The following PHLDB1 variants were observed in gnomAD, a reference collection of about 807,000 sequenced individuals.
PHLDB1 encodes the protein pleckstrin homology-like domain family B member 1.
A neutral mutation model predicts 139.3 loss-of-function variants in PHLDB1; 65 were observed. The observed-to-expected ratio is 0.47, with a 90% CI of 0.38 to 0.57. The LOEUF (loss-of-function observed/expected upper bound fraction) is 0.57, where lower values mean the gene tolerates loss of function less well. Ranked by LOEUF, PHLDB1 falls within the 20% of genes least tolerant of loss-of-function variation. The pLI, the probability that PHLDB1 is intolerant of heterozygous loss-of-function variation, is 0.00. For missense variants in PHLDB1, 1,624 were observed against 1,839.7 expected, an observed-to-expected ratio of 0.88 and a Z score of 2.14; for synonymous variants, 679 against 734.5, an observed-to-expected ratio of 0.92 and a Z score of 1.22.
Position 118,620,582 on chromosome 11 carries a change from G to A in PHLDB1, c.356-4352G>A, listed in dbSNP as rs1942581245. ...GCTCCAGATATCTGTTTCCCAAGTA[G>A]GATGGGTACCTTATTGGGGTCGGAG... is the stretch of plus-strand genomic sequence containing the variant. On this transcript the variant is annotated intron_variant, in intron 4 of 22. Coordinates refer to ENST00000600882, the MANE Select transcript of PHLDB1 (RefSeq NM_001144758.3). The surrounding 1 kb of genome is among the most constrained non-coding windows in gnomAD (Gnocchi z 4.1). 6.6e-6 allele frequency among the ~76,000 whole-genome samples: 1 copy of A among 152,188 alleles called. No individual in the cohort carries two copies. The highest frequency in any genetic ancestry group is 2.1e-4 in the South Asian group (1 of 4,830).
At position 118,642,356 on chromosome 11, in the gene PHLDB1, C is replaced by T; in HGVS notation, c.2839C>T (p.Pro947Ser). The T allele has an allele frequency of 6.2e-7, 1 of 1,611,064 alleles. No individual in the cohort carries two copies. The highest frequency in any genetic ancestry group is 1.1e-5 in the South Asian group (1 of 91,078). Residue 947 changes from proline (P) to serine (S), a missense_variant, in exon 13 of 23, where the codon CCC becomes TCC. By Grantham distance (74) the Pro-to-Ser change is moderately conservative. Coordinates refer to ENST00000600882, the MANE Select transcript of PHLDB1 (RefSeq NM_001144758.3). ...CGCTGCAGCCTCCCCTCACTCTTCT[C>T]CCCCGCCTCTGCCCGCCAAAGCTTC... ...GPAAASPHSS[P>S]PPLPAKASRQ... is the part of the protein sequence containing the mutation.
intron 13 of PHLDB1, among the ~76,000 whole-genome samples, chr11:118,643,204 A>G (rs1473887601): frequency 1.3e-5 from 2 of 152,214 alleles, no homozygotes; most frequent in African/African-American, 4.8e-5. Context: ...CCTTTGAGGT[A>G]GATGAAGTTA....
At chr11:118,625,654 C>A (rs949055702) in intron 5 of PHLDB1, among the ~76,000 whole-genome samples, 2 of 152,182 alleles carry the variant, frequency 1.3e-5, no homozygotes, top group South Asian at 4.1e-4. Context: ...CCATCTCAGA[C>A]TTTGCACTGG....
chr11:118,639,370 G>A (rs1946156625), intron 12 of PHLDB1, 119 bp downstream of exon 12: 1 of 738,698 alleles, frequency 1.4e-6, no homozygotes, highest in Non-Finnish European at 2.4e-6. Flanking sequence ...TCCTGAATGG[G>A]AGAGATTTGA....
At position 118,645,808 on chromosome 11, in the gene PHLDB1, C is replaced by A. The variant is rs143017946; in HGVS notation, c.3490C>A (p.Arg1164=). ...MLKEAHAEKN[R]LMESREREME... is the part of the protein sequence containing the mutation. The stretch of plus-strand genomic sequence containing the variant: ...GAAAGAGGCTCATGCAGAGAAGAAC[C>A]GGCTCATGGAGTCGAGGGTGAGTCT... The change falls in exon 17 of 23, where the codon CGG becomes AGG. Residue 1164 remains arginine, a synonymous_variant. Transcript: ENST00000600882. This position sits in a 1 kb window ranked among gnomAD's most constrained non-coding sequence, Gnocchi z 5.1. 2 of 1,611,624 alleles carry A rather than the reference C, an allele frequency of 1.2e-6. No homozygotes were observed. The highest frequency in any genetic ancestry group is 2.2e-5 in the East Asian group (1 of 44,866).
At position 118,649,577 on chromosome 11, in the gene PHLDB1, G is replaced by A. The variant is rs564285661; in HGVS notation, c.3655-500G>A. Among the ~76,000 whole-genome samples, 27 of 152,118 alleles carry A rather than the reference G, an allele frequency of 1.8e-4. No individual in the cohort carries two copies. In the South Asian group the frequency reaches 3.5e-3, roughly 20 times the overall value. On this transcript the variant is annotated intron_variant, in intron 18 of 22. Coordinates refer to ENST00000600882, the MANE Select transcript of PHLDB1 (RefSeq NM_001144758.3). ...GACAGGAAGAGTAGAAAAATATTCC[G>A]GTTGACTGAGAATTCTAGTTAGTAT...
At chr11:118,616,614 A>G (rs1941699522) in intron 4 of PHLDB1, among the ~76,000 whole-genome samples, 1 of 152,194 alleles carries the variant, frequency 6.6e-6, no homozygotes, top group Non-Finnish European at 1.5e-5. Flanking sequence ...GAGGAGGACA[A>G]TACTTCCTGA....
intron 4 of PHLDB1, among the ~76,000 whole-genome samples, chr11:118,619,973 GAGAC>G (rs1266235366): frequency 6.6e-6 from 1 of 152,244 alleles, no homozygotes; most frequent in Non-Finnish European, 1.5e-5. Flanking sequence ...AGGTGTGTGA[GAGAC>G]AGTGTGTTTA....
Position 118,647,988 on chromosome 11 carries a change from A to T in PHLDB1, c.3566A>T (p.Gln1189Leu). Residue 1189 changes from glutamine (Q) to leucine (L), a missense_variant, in exon 18 of 23, where the codon CAG becomes CTG. Coordinates refer to ENST00000600882, the MANE Select transcript of PHLDB1 (RefSeq NM_001144758.3). ...GAGGAGGAGCGGCGGAGGCGTGAGC[A>T]GGTAGAACGGAGGCTGCAGAGTGAG... ...ALEEERRRRE[Q>L]VERRLQSESA... 1 of 1,605,690 alleles carries T rather than the reference A, an allele frequency of 6.2e-7. No homozygotes were observed. Among genetic ancestry groups the T allele is most frequent in the Non-Finnish European group, 8.5e-7 (1 of 1,176,010 alleles).
In PHLDB1 at chr11:118,628,227, T is replaced by C. The variant is rs533463069; in HGVS notation, c.1404T>C (p.Ala468=). ...PPLSPSLSRR[A]LSPLPTRTTP... ...TAAGTCCATCTCTGTCCCGGCGAGC[T>C]CTCTCCCCGCTGCCCACCCGGACCA... is the stretch of plus-strand genomic sequence containing the variant. The change falls in exon 6 of 23, where the codon GCT becomes GCC. Residue 468 remains alanine, a synonymous_variant. Coordinates refer to ENST00000600882, the MANE Select transcript of PHLDB1 (RefSeq NM_001144758.3). 1 of 1,613,734 alleles carries C rather than the reference T, an allele frequency of 6.2e-7. No homozygotes were observed. Among genetic ancestry groups the C allele is most frequent in the Admixed American group, 1.7e-5 (1 of 59,998 alleles).
intron 13 of PHLDB1, 131 bp downstream of exon 13, chr11:118,642,525 C>T: frequency 1.9e-6 from 2 of 1,074,006 alleles, no homozygotes; most frequent in South Asian, 3.1e-5. Flanking sequence ...ATGAGGGCAC[C>T]TCTGGGCCCT....
In PHLDB1 at chr11:118,620,716, T is replaced by C. The variant is rs897355612; in HGVS notation, c.356-4218T>C. On this transcript the variant is annotated intron_variant, in intron 4 of 22. Coordinates refer to ENST00000600882, the MANE Select transcript of PHLDB1 (RefSeq NM_001144758.3). This position sits in a 1 kb window ranked among gnomAD's most constrained non-coding sequence, Gnocchi z 4.1. ...GAAAGGGCAGTGCCTTGGTCCACTC[T>C]GGGTCATGAGTTGAGCTATGGGGAG... Among the ~76,000 whole-genome samples, 9 of 152,158 alleles carry C rather than the reference T, an allele frequency of 5.9e-5. No homozygotes were observed. The highest frequency in any genetic ancestry group is 2.2e-4 in the African/African-American group (9 of 41,440).
In PHLDB1 at chr11:118,608,802, C is replaced by G. The variant is rs782774184; in HGVS notation, c.-22+1103C>G. Among the ~76,000 whole-genome samples, 1 of 152,142 alleles carries G rather than the reference C, an allele frequency of 6.6e-6. No individual in the cohort carries two copies. The highest frequency in any genetic ancestry group is 1.5e-5 in the Non-Finnish European group (1 of 68,008). The stretch of plus-strand genomic sequence containing the variant: ...CCGAGGCCTTCCCACGCACTCCATG[C>G]CTTACGCCTCACAGGAAAGCGCCCC... On this transcript the variant is annotated intron_variant, in intron 1 of 22. Coordinates refer to ENST00000600882, the MANE Select transcript of PHLDB1 (RefSeq NM_001144758.3). The surrounding 1 kb of genome is among the most constrained non-coding windows in gnomAD (Gnocchi z 6.7).
rs147362512 is a variant in PHLDB1, at chr11:118,644,874, G to A, written c.3122-482G>A. 1.1e-3 allele frequency: 286 copies of A among 263,242 alleles called. 2 individuals carry two copies. Among genetic ancestry groups the A allele is most frequent in the African/African-American group, 5.1e-3 (220 of 43,220 alleles). 16.3% of individuals were successfully genotyped at this position (263,242 alleles called of 1,614,324 possible). ...CTTCTGCCCTCATCTGTGCTCTACC[G>A]TGTCTCCCCTGCCTTCTTTCTTGCG... On this transcript the variant is annotated intron_variant, in intron 15 of 22. Coordinates refer to ENST00000600882, the MANE Select transcript of PHLDB1 (RefSeq NM_001144758.3).
upstream of PHLDB1, among the ~76,000 whole-genome samples, chr11:118,607,296 G>T (rs1232579063): frequency 8.1e-6 from 1 of 123,314 alleles, no homozygotes; most frequent in Admixed American, 8.9e-5. Flanking sequence ...GTCTAGGAGA[G>T]TCGGGAGGGC....
Position 118,614,672 on chromosome 11 carries a change from G to T in PHLDB1, c.174G>T (p.Pro58=). 1 of 1,613,654 alleles carries T rather than the reference G, an allele frequency of 6.2e-7. No homozygotes were observed. The highest frequency in any genetic ancestry group is 8.5e-7 in the Non-Finnish European group (1 of 1,179,762). ...TCAGCACAGCCATCACCCTCCTGCC[G>T]CTGGAGGAAGGTAAGTGTGAACAGG... is the stretch of plus-strand genomic sequence containing the variant. ...GRLSTAITLL[P]LEEGRTVIGS... The change falls in exon 3 of 23, where the codon CCG becomes CCT. Residue 58 remains proline (P), a synonymous_variant. Coordinates refer to ENST00000600882, the MANE Select transcript of PHLDB1 (RefSeq NM_001144758.3).
chr11:118,656,826 G>T lies in PHLDB1; in HGVS notation c.*3G>T, dbSNP rs782632317. 1.9e-6 allele frequency: 3 copies of T among 1,608,428 alleles called. No homozygotes were observed. Among genetic ancestry groups the T allele is most frequent in the Admixed American group, 3.3e-5 (2 of 59,816 alleles). On this transcript the variant is annotated 3_prime_UTR_variant, in exon 23 of 23. Coordinates refer to ENST00000600882, the MANE Select transcript of PHLDB1 (RefSeq NM_001144758.3). ...GCTACACTCAGTTCATGAACTAACTGCCGTGGGCCTCCTGGCAGAGCACAA... is the reference window on the plus strand; with the variant it reads ...GCTACACTCAGTTCATGAACTAACTTCCGTGGGCCTCCTGGCAGAGCACAA...
intron 1 of PHLDB1, among the ~76,000 whole-genome samples, chr11:118,612,734 C>T (rs782281841): frequency 5.3e-5 from 8 of 152,208 alleles, no homozygotes; most frequent in African/African-American, 9.7e-5. Context: ...CCTTGGAATG[C>T]GGGCTGCTGC....
At chr11:118,627,123 A>C (rs1203952899) in intron 5 of PHLDB1, 182 bp from the exon 6 acceptor site, 1 of 607,114 alleles carries the variant, frequency 1.6e-6, no homozygotes. Flanking sequence ...ACTGAGGACA[A>C]GTGACTTGGC....
Sources: gnomAD v4.1 joint callset for allele counts (sites outside exome capture counted in the v4.1 genomes callset) on GRCh38, gnomAD v4.1.1 for gene constraint, Gnocchi (gnomAD v3.1) non-coding constraint, MANE v1.5 for transcripts, NCBI Gene and HGNC (gene_info 2026-07-23, HGNC 2026-07-21) for gene names.